The following CASK variants were observed in gnomAD, a reference collection of about 807,000 sequenced individuals.
The protein encoded by CASK is peripheral plasma membrane protein CASK.
CASK carries 4 observed loss-of-function variants against 82.9 expected under a neutral mutation model. The observed-to-expected ratio is 0.05, with a 90% CI of 0.02 to 0.11. The LOEUF (loss-of-function observed/expected upper bound fraction) is 0.11. CASK is among the 10% of genes least tolerant of loss of function. The pLI is 1.00. For missense variants in CASK, 358 were observed against 720.9 expected, an observed-to-expected ratio of 0.50 and a Z score of 5.76; for synonymous variants, 259 against 253.5, an observed-to-expected ratio of 1.02 and a Z score of -0.20.
intron 22 of CASK, 38 bp from the exon 23 acceptor site, chrX:41,535,011 G>A (rs1360068019): frequency 7.0e-6 from 6 of 855,990 alleles, no homozygotes; most frequent in Non-Finnish European, 1.0e-5. Context: ...TAAATTTGTA[G>A]AATGACTATT....
chrX:41,812,053 C>T (rs751618813), intron 2 of CASK, among the ~76,000 whole-genome samples: 138 of 111,056 alleles, frequency 1.2e-3, no homozygotes, highest in African/African-American at 4.3e-3. Context: ...AAGTTGAATC[C>T]CTGAATAGAC....
chrX:41,715,277 G>A (rs1301380756), intron 5 of CASK, among the ~76,000 whole-genome samples: 2 of 111,887 alleles, frequency 1.8e-5, no homozygotes, highest in Non-Finnish European at 3.8e-5. Flanking sequence ...TGGCCCTATG[G>A]AAATTTGAGG....
chrX:41,586,894 A>G lies in CASK; in HGVS notation c.1314+13T>C. ...TGAGGTTTCAGTTCTATGGAAGTTT[A>G]ATTATTACTTACCATGAAATGAGGT... On this transcript the variant is annotated intron_variant, in intron 14 of 26. Transcript: ENST00000378163. 1 of 1,079,661 alleles carries G rather than the reference A, an allele frequency of 9.3e-7. No homozygotes were observed. The allele number at this position is 1,079,661 out of a possible 1,213,427, so 89.0% of individuals were successfully genotyped here.
intron 17 of CASK, 140 bp from the exon 18 acceptor site, chrX:41,559,987 G>A: frequency 1.9e-6 from 1 of 522,821 alleles, no homozygotes; most frequent in Non-Finnish European, 3.3e-6. Context: ...ATGAAATGTA[G>A]TCATGAAGCA....
At chrX:41,715,949 C>T (rs1032367275) in intron 5 of CASK, among the ~76,000 whole-genome samples, 11 of 111,924 alleles carry the variant, frequency 9.8e-5, no homozygotes, top group African/African-American at 3.6e-4. Context: ...TGGGTTTTGA[C>T]AGGAGTAGAC....
intron 5 of CASK, among the ~76,000 whole-genome samples, chrX:41,705,115 T>C (rs758442052): frequency 1.8e-5 from 2 of 112,380 alleles, no homozygotes; most frequent in African/African-American, 3.2e-5. Context: ...AAAGAGTTAT[T>C]TTATTCAGCC....
chrX:41,799,746 T>C (rs1340909886), intron 2 of CASK, among the ~76,000 whole-genome samples: 1 of 103,297 alleles, frequency 9.7e-6, no homozygotes, highest in Non-Finnish European at 2.0e-5. Context: ...AGAAATTCGA[T>C]AAGAACAATA....
At chrX:41,686,789 G>T (rs1252945745) in intron 5 of CASK, among the ~76,000 whole-genome samples, 1 of 111,841 alleles carries the variant, frequency 8.9e-6, no homozygotes, top group African/African-American at 3.3e-5. Context: ...CCAGGGTTGG[G>T]ATTTAAAGAG....
chrX:41,675,638 A>T (rs1183051453), intron 5 of CASK: 2 of 606,214 alleles, frequency 3.3e-6, no homozygotes, highest in South Asian at 2.7e-5. Context: ...TAGAAATTCA[A>T]ATAGAAGTAA....
At chrX:41,616,605 TC>T (rs1410087219) in intron 11 of CASK, among the ~76,000 whole-genome samples, 1 of 103,984 alleles carries the variant, frequency 9.6e-6, no homozygotes, top group Non-Finnish European at 2.0e-5. Context: ...ATAACCAAAA[TC>T]TTTTTTTTTT....
chrX:41,893,037 G>C (rs994213313), intron 1 of CASK, among the ~76,000 whole-genome samples: 1 of 111,991 alleles, frequency 8.9e-6, no homozygotes, highest in African/African-American at 3.3e-5. Context: ...GTTATAATGA[G>C]TTATCAAGAA....
chrX:41,789,317 A>G (rs1392981237), intron 2 of CASK, among the ~76,000 whole-genome samples: 1 of 111,584 alleles, frequency 9.0e-6, no homozygotes, highest in Non-Finnish European at 1.9e-5. Context: ...GGCAGTGACA[A>G]GTGATGTGGT....
chrX:41,828,785 T>A (rs1482640936), intron 2 of CASK, among the ~76,000 whole-genome samples: 1 of 112,146 alleles, frequency 8.9e-6, no homozygotes, highest in African/African-American at 3.2e-5. Context: ...TTTAGATACA[T>A]TTTGCACCAA....
intron 21 of CASK, among the ~76,000 whole-genome samples, chrX:41,544,017 C>T (rs957852010): frequency 4.5e-5 from 5 of 112,006 alleles, no homozygotes; most frequent in Admixed American, 9.5e-5. Context: ...TTTCCTCTTT[C>T]GTTAAGTGTC....
At chrX:41,521,897 TAATA>T (rs955921965) in intron 26 of CASK, among the ~76,000 whole-genome samples, 8 of 112,458 alleles carry the variant, frequency 7.1e-5, no homozygotes, top group Non-Finnish European at 1.5e-4. Context: ...AGTAAGTGCT[TAATA>T]AATGCTGTCA....
At chrX:41,874,410 T>G (rs2071772556) in intron 1 of CASK, among the ~76,000 whole-genome samples, 1 of 111,936 alleles carries the variant, frequency 8.9e-6, no homozygotes, top group Non-Finnish European at 1.9e-5. Context: ...CACTTATATG[T>G]AAGAACATGC....
intron 2 of CASK, among the ~76,000 whole-genome samples, chrX:41,800,276 T>C (rs890186276): frequency 1.8e-5 from 2 of 110,127 alleles, no homozygotes; most frequent in Non-Finnish European, 1.9e-5. Flanking sequence ...GGAGGCACAG[T>C]TCATACCTCC....
intron 7 of CASK, among the ~76,000 whole-genome samples, chrX:41,661,927 C>A (rs1380540469): frequency 6.3e-5 from 7 of 110,542 alleles, no homozygotes; most frequent in Non-Finnish European, 1.1e-4. Context: ...TCTCCCTATC[C>A]TGGAGCGAAT....
At chrX:41,855,729 G>C (rs2071354842) in intron 1 of CASK, among the ~76,000 whole-genome samples, 1 of 111,806 alleles carries the variant, frequency 8.9e-6, no homozygotes, top group Non-Finnish European at 1.9e-5. Context: ...GAAAATACTG[G>C]TAGAGATAGT....
Sources: allele counts gnomAD v4.1 joint callset (sites outside exome capture counted in the v4.1 genomes callset), GRCh38; gene constraint gnomAD v4.1.1; transcripts MANE v1.5; gene names NCBI Gene and HGNC (gene_info 2026-07-23, HGNC 2026-07-21).